The following ZFYVE26 variants were observed in gnomAD, a reference collection of about 807,000 sequenced individuals.
ZFYVE26 encodes the protein zinc finger FYVE-type containing 26.
Under a neutral mutation model 276.5 loss-of-function variants are expected in ZFYVE26, and 181 were observed. That is an observed-to-expected ratio of 0.65 (90% confidence interval 0.58 to 0.74). The LOEUF (loss-of-function observed/expected upper bound fraction) is 0.74. Ranked by LOEUF, ZFYVE26 falls within the 30% of genes least tolerant of loss-of-function variation. The pLI is 0.00. For missense variants in ZFYVE26, 2,821 were observed against 3,097.9 expected (o/e 0.91, Z 2.12); for synonymous variants, 1,129 against 1,203.1 (o/e 0.94, Z 1.27).
At chr14:67,766,152 T>A in intron 32 of ZFYVE26, 75 bp downstream of exon 32, 1 of 1,419,162 alleles carries the variant, frequency 7.0e-7, no homozygotes. Flanking sequence ...GATAAAAAAA[T>A]CACAGTGGGG....
chr14:67,800,761 G>A (rs1262025266), intron 10 of ZFYVE26, among the ~76,000 whole-genome samples: 1 of 152,050 alleles, frequency 6.6e-6, no homozygotes, highest in Non-Finnish European at 1.5e-5. Context: ...CATAAAGTAA[G>A]CCTTTAGCTC....
intron 22 of ZFYVE26, 145 bp downstream of exon 22, chr14:67,781,188 G>C: frequency 1.1e-6 from 1 of 894,976 alleles, no homozygotes; most frequent in Non-Finnish European, 1.8e-6. Context: ...CCTCCCTGCT[G>C]TTCACCTAAG....
Position 67,785,265 on chromosome 14 carries a change from G to A in ZFYVE26, c.3317C>T (p.Pro1106Leu). ...CTGCTCCACCAGGGAAGACAGTGGA[G>A]GAGTCCTGGGCTCTGAGAGGAGGAT... ...EALELPEPRT[P>L]PLSSLVEQAA... Residue 1106 changes from proline (P) to leucine (L), a missense_variant, in exon 19 of 42, where the codon CCT becomes CTT. Pro to Leu is a moderately conservative substitution (Grantham distance 98). Transcript: ENST00000347230. 4 of 1,605,634 alleles carry A rather than the reference G, an allele frequency of 2.5e-6. No homozygotes were observed. The highest frequency in any genetic ancestry group is 3.4e-6 in the Non-Finnish European group (4 of 1,175,880).
chr14:67,785,372 A>G, intron 18 of ZFYVE26, 95 bp from the exon 19 acceptor site: 1 of 1,129,044 alleles, frequency 8.9e-7, no homozygotes, highest in South Asian at 1.3e-5. Flanking sequence ...TGTGCCCCCT[A>G]TACACTGCCT....
At chr14:67,764,793 T>TG (rs1426351431) in intron 32 of ZFYVE26, among the ~76,000 whole-genome samples, 1 of 152,168 alleles carries the variant, frequency 6.6e-6, no homozygotes, top group Non-Finnish European at 1.5e-5. Context: ...TTGGGGTGGG[T>TG]GAGAATCCTA....
In ZFYVE26 at chr14:67,806,405, G is replaced by C; in HGVS notation, c.1017+140C>G. 6.0e-6 allele frequency: 6 copies of C among 1,007,780 alleles called. No individual in the cohort carries two copies. In the South Asian group the frequency reaches 8.2e-5, roughly 14 times the overall value. 62.4% of individuals were successfully genotyped at this position (1,007,780 alleles called of 1,614,324 possible). On this transcript the variant is annotated intron_variant, in intron 6 of 41. Transcript: ENST00000347230. ...TCAGAGTCTCCTTTCCCATGGGACT[G>C]TGGGAGGGACAAAACCAAATGACTC...
At chr14:67,742,826 T>TTTCTTC (rs200796159), downstream of ZFYVE26, among the ~76,000 whole-genome samples, 7 of 118,048 alleles carry the variant, frequency 5.9e-5, no homozygotes, top group East Asian at 2.4e-4. Context: ...TCCTTTCTTC[T>TTTCTTC]TTCTTCTTCT....
intron 19 of ZFYVE26, 83 bp from the exon 20 acceptor site, chr14:67,784,519 G>A (rs2039598139): frequency 8.0e-7 from 1 of 1,249,454 alleles, no homozygotes; most frequent in Non-Finnish European, 1.2e-6. Context: ...TGAGAAAAAA[G>A]TACAGTGTCA....
downstream of ZFYVE26, among the ~76,000 whole-genome samples, chr14:67,743,782 A>G (rs1472371778): frequency 2.0e-5 from 3 of 152,116 alleles, 1 homozygote; most frequent in East Asian, 3.9e-4. Context: ...TCAAGAGGGA[A>G]TAGCTAGAAC....
At chr14:67,743,546 TAAAATAAAATA>T (rs2038445067), downstream of ZFYVE26, among the ~76,000 whole-genome samples, 1 of 101,546 alleles carries the variant, frequency 9.8e-6, no homozygotes, top group Non-Finnish European at 2.3e-5. Context: ...TAAAATAAAA[TAAAATAAAATA>T]AAGCAAAACT....
At chr14:67,767,679 G>A in intron 31 of ZFYVE26, 25 bp downstream of exon 31, 1 of 1,613,960 alleles carries the variant, frequency 6.2e-7, no homozygotes, top group South Asian at 1.1e-5. Flanking sequence ...AAACTTAAGT[G>A]ACCATTGCAT....
intron 26 of ZFYVE26, 51 bp downstream of exon 26, chr14:67,775,809 A>G (rs1171054679): frequency 6.2e-7 from 1 of 1,613,350 alleles, no homozygotes; most frequent in Non-Finnish European, 8.5e-7. Flanking sequence ...AGAATGCAGC[A>G]TGGCATTTCT....
intron 3 of ZFYVE26, among the ~76,000 whole-genome samples, chr14:67,812,318 A>G (rs1197911269): frequency 6.6e-6 from 1 of 152,236 alleles, no homozygotes; most frequent in East Asian, 1.9e-4. Flanking sequence ...TTGCTTACAC[A>G]TGGAGAGATA....
In ZFYVE26 at chr14:67,752,329, CGGGA is replaced by C; in HGVS notation, c.7371+11_7371+14del. 3.7e-6 allele frequency: 6 copies of C among 1,604,182 alleles called. No individual in the cohort carries two copies. Among genetic ancestry groups the C allele is most frequent in the Non-Finnish European group, 5.1e-6 (6 of 1,175,314 alleles). On this transcript the variant is annotated intron_variant, in intron 40 of 41. Transcript: ENST00000347230. ...AAATTGATGGAGGAGCCAAGAGGTA[CGGGA>C]GGGAGTGTACCTGGGGCGGAATTCT...
At chr14:67,766,485 C>T (rs767093919) in intron 31 of ZFYVE26, 38 bp from the exon 32 acceptor site, 2 of 1,594,048 alleles carry the variant, frequency 1.3e-6, no homozygotes, top group African/African-American at 2.7e-5. Context: ...CACGGTGAGT[C>T]CAGGGGCCAG....
intron 32 of ZFYVE26, 89 bp downstream of exon 32, chr14:67,766,138 G>T: frequency 8.1e-7 from 1 of 1,229,600 alleles, no homozygotes. Context: ...AGAGAGGATG[G>T]TGAGATAAAA....
At chr14:67,805,683 T>A in intron 6 of ZFYVE26, 65 bp from the exon 7 acceptor site, 5 of 1,556,332 alleles carry the variant, frequency 3.2e-6, no homozygotes, top group Non-Finnish European at 4.4e-6. Context: ...TCTAGCTTAC[T>A]GCTCTTTAGA....
In ZFYVE26 at chr14:67,805,216, C is replaced by G; in HGVS notation, c.1271+1G>C. 6.2e-7 allele frequency: 1 copy of G among 1,613,726 alleles called. No individual in the cohort carries two copies. On this transcript the variant is annotated splice_donor_variant, in intron 8 of 41. Transcript: ENST00000347230. LOFTEE classifies it high-confidence loss of function. ...CAGGCGCTGACTGCACAGGGCCATA[C>G]CTGCTCTGCTGTATGCACCACTCCA...
In ZFYVE26 at chr14:67,783,510, C is replaced by T. The variant is rs1222088659; in HGVS notation, c.3642G>A (p.Leu1214=). ...QVPPERLAAL[L]AQENLSLSVP... is the part of the protein sequence containing the mutation. ...CACTTAGGCTGAGATTCTCTTGGGC[C>T]AGAAGGGCTGCCAGTCTGGAAGGAG... The change falls in exon 21 of 42, where the codon CTG becomes CTA. Residue 1214 remains leucine (L), a synonymous_variant. Coordinates refer to ENST00000347230, the MANE Select transcript of ZFYVE26 (RefSeq NM_015346.4). The T allele has an allele frequency of 6.2e-7, 1 of 1,613,206 alleles. No individual in the cohort carries two copies. Among genetic ancestry groups the T allele is most frequent in the Non-Finnish European group, 8.5e-7 (1 of 1,180,000 alleles).
Sources: gnomAD v4.1 joint callset for allele counts (sites outside exome capture counted in the v4.1 genomes callset) on GRCh38, gnomAD v4.1.1 for gene constraint, MANE v1.5 for transcripts, NCBI Gene and HGNC (gene_info 2026-07-23, HGNC 2026-07-21) for gene names.